Variants in TEKT5 observed in about 807,000 individuals in gnomAD.
The protein encoded by TEKT5 is tektin 5, also known as tektin-5.
In TEKT5, 52 loss-of-function variants were observed where a neutral mutation model predicts 48.7. That is an observed-to-expected ratio of 1.07 (90% CI 0.86 to 1.35). The LOEUF (loss-of-function observed/expected upper bound fraction) is 1.35. Ranked by LOEUF, TEKT5 falls within the 40% of genes most tolerant of loss-of-function variation. TEKT5 has a pLI of 0.00. For missense variants in TEKT5, 831 were observed against 641.6 expected (o/e 1.30, Z -3.19); for synonymous variants, 318 against 267.6 (o/e 1.19, Z -1.84).
intron 5 of TEKT5, among the ~76,000 whole-genome samples, chr16:10,655,265 T>TATC (rs1467253705): frequency 6.6e-6 from 1 of 152,154 alleles, no homozygotes; most frequent in African/African-American, 2.4e-5. Flanking sequence ...TACACGTTCT[T>TATC]ATCGCTCCCA....
At chr16:10,647,371 C>T (rs749359182) in intron 5 of TEKT5, among the ~76,000 whole-genome samples, 21 of 151,506 alleles carry the variant, frequency 1.4e-4, no homozygotes, top group Non-Finnish European at 2.6e-4. Flanking sequence ...ACTCAGGAGG[C>T]TGAGGCAGGA....
chr16:10,694,849 T>A lies in TEKT5; in HGVS notation c.25A>T (p.Thr9Ser). The change falls in exon 1 of 7, where the codon ACC becomes TCC. Residue 9 changes from threonine (T) to serine (S), a missense_variant. By Grantham distance (58) the Thr-to-Ser change is moderately conservative (BLOSUM62 1). Coordinates refer to ENST00000283025, the MANE Select transcript of TEKT5 (RefSeq NM_144674.2). The part of the protein sequence containing the change: MEFLGTTQ[T>S]ASYCGPKKCC... The stretch of plus-strand genomic sequence containing the variant: ...TTCTTGGGACCACAGTAACTGGCGG[T>A]CTGAGTAGTCCCAAGAAACTCCATC... 6.3e-7 allele frequency: 1 copy of A among 1,583,176 alleles called. No homozygotes were observed.
chr16:10,678,778 G>A (rs1898694255), intron 4 of TEKT5, among the ~76,000 whole-genome samples: 1 of 152,218 alleles, frequency 6.6e-6, no homozygotes, highest in African/African-American at 2.4e-5. Context: ...GTCCTCCCCT[G>A]CAGCAGGCAG....
Position 10,631,085 on chromosome 16 carries a change from C to T in TEKT5, c.1242-3286G>A, listed in dbSNP as rs72781791. Among the ~76,000 whole-genome samples, 292 of 40,158 alleles carry T rather than the reference C, an allele frequency of 7.3e-3. 2 individuals carry two copies. The highest frequency in any genetic ancestry group is 6.9e-3 in the Non-Finnish European group (119 of 17,168). 26.3% of individuals were successfully genotyped at this position (40,158 alleles called of 152,430 possible). A position where few individuals can be genotyped will look rare whatever the true frequency, so the allele number is the denominator to read the frequency against. On this transcript the variant is annotated intron_variant, in intron 6 of 6. Coordinates refer to ENST00000283025, the MANE Select transcript of TEKT5 (RefSeq NM_144674.2). Reference sequence around the variant, plus strand: ...ATCTATGTCCATATATATATATATACACACACACACACACACAAAAATTAG... The same window carrying T: ...ATCTATGTCCATATATATATATATATACACACACACACACACAAAAATTAG...
chr16:10,688,360 C>A (rs754247669), intron 3 of TEKT5, among the ~76,000 whole-genome samples: 1 of 152,252 alleles, frequency 6.6e-6, no homozygotes, highest in African/African-American at 2.4e-5. Context: ...GATCCAAGGG[C>A]TCCTAGAGGA....
At chr16:10,656,778 T>G (rs1898269562) in intron 5 of TEKT5, among the ~76,000 whole-genome samples, 1 of 152,220 alleles carries the variant, frequency 6.6e-6, no homozygotes, top group Non-Finnish European at 1.5e-5. Flanking sequence ...TCTTGCTTTG[T>G]TGCCCAGGCT....
rs757891771 is a variant in TEKT5 at position 10,627,739 on chromosome 16, C to T, written c.1302G>A (p.Arg434=). The change falls in exon 7 of 7, where the codon CGG becomes CGA. Residue 434 remains arginine, a synonymous_variant. Coordinates refer to ENST00000283025, the MANE Select transcript of TEKT5 (RefSeq NM_144674.2). ...GCAGCTGCAGCGTGTCCTGTGTCTCCCGCAGCCGCAGCTTGAGGGTCTGCA... is the reference window on the plus strand; with the variant it reads ...GCAGCTGCAGCGTGTCCTGTGTCTCTCGCAGCCGCAGCTTGAGGGTCTGCA... ...DTLQTLKLRL[R]ETQDTLQLLV... is the part of the protein sequence containing the mutation. 6.8e-6 allele frequency: 11 copies of T among 1,614,054 alleles called. No homozygotes were observed. Among genetic ancestry groups the T allele is most frequent in the Non-Finnish European group, 8.5e-6 (10 of 1,180,032 alleles).
chr16:10,678,218 C>A (rs992945702), intron 4 of TEKT5, among the ~76,000 whole-genome samples: 2 of 152,150 alleles, frequency 1.3e-5, no homozygotes, highest in South Asian at 4.1e-4. Context: ...CCTGCCTCAG[C>A]CTCCCATGTA....
At chr16:10,636,819 T>C (rs531393868) in intron 5 of TEKT5, among the ~76,000 whole-genome samples, 10 of 151,242 alleles carry the variant, frequency 6.6e-5, no homozygotes, top group Non-Finnish European at 7.4e-5. Flanking sequence ...TCCATTATTA[T>C]TATTATTATT....
In TEKT5 at chr16:10,682,114, C is replaced by A; in HGVS notation, c.742G>T (p.Val248Leu). ...TTGTCTTCGAGGTCCCTCTCCAGCA[C>A]GTGCTGAGCATCCCGGTTATCCCTG... ...QMRDNRDAQH[V>L]LERDLEDKSS... Residue 248 changes from valine (V) to leucine (L), a missense_variant, in exon 4 of 7, where the codon GTG becomes TTG. Coordinates refer to ENST00000283025, the MANE Select transcript of TEKT5 (RefSeq NM_144674.2). 6.2e-7 allele frequency: 1 copy of A among 1,614,146 alleles called. No individual in the cohort carries two copies. The highest frequency in any genetic ancestry group is 8.5e-7 in the Non-Finnish European group (1 of 1,180,000).
intron 3 of TEKT5, among the ~76,000 whole-genome samples, chr16:10,684,889 C>A (rs1417473656): frequency 1.3e-5 from 2 of 152,218 alleles, no homozygotes; most frequent in Non-Finnish European, 2.9e-5. Context: ...CCCCACCCTG[C>A]CCAGATGCGG....
At chr16:10,651,781 G>A (rs981944342) in intron 5 of TEKT5, among the ~76,000 whole-genome samples, 7 of 152,072 alleles carry the variant, frequency 4.6e-5, no homozygotes, top group Non-Finnish European at 1.0e-4. Flanking sequence ...CAAACATGGC[G>A]AAACCCCGTC....
chr16:10,673,877 C>T (rs995178760), intron 5 of TEKT5, among the ~76,000 whole-genome samples: 5 of 151,836 alleles, frequency 3.3e-5, no homozygotes, highest in African/African-American at 9.7e-5. Context: ...GTCTCGAACT[C>T]CTGACCTCAA....
chr16:10,685,582 C>A (rs988768831), intron 3 of TEKT5, among the ~76,000 whole-genome samples: 1 of 152,164 alleles, frequency 6.6e-6, no homozygotes, highest in African/African-American at 2.4e-5. Context: ...CAGACATGAG[C>A]CTCCACGCCC....
At chr16:10,665,024 C>T (rs1409464157) in intron 5 of TEKT5, among the ~76,000 whole-genome samples, 2 of 152,142 alleles carry the variant, frequency 1.3e-5, no homozygotes, top group Non-Finnish European at 2.9e-5. Flanking sequence ...GTGCTGGAGC[C>T]AGAAATGAGC....
Position 10,674,554 on chromosome 16 carries a change from G to A in TEKT5, c.1086+1405C>T, listed in dbSNP as rs567298634. 5.6e-5 allele frequency among the ~76,000 whole-genome samples: 8 copies of A among 142,842 alleles called. No homozygotes were observed. In the East Asian group the frequency reaches 1.6e-3, roughly 28 times the overall value. 93.7% of individuals were successfully genotyped at this position (142,842 alleles called of 152,430 possible). A position where few individuals can be genotyped will look rare whatever the true frequency, so the allele number is the denominator to read the frequency against. ...GGTCGCTTGAGCCCAGGAGTTCAAG[G>A]CTGCAGTGAGCCGTGATTGTGCCAC... On this transcript the variant is annotated intron_variant, in intron 5 of 6. Transcript: ENST00000283025.
intron 5 of TEKT5, among the ~76,000 whole-genome samples, chr16:10,656,574 A>G (rs1596407800): frequency 1.3e-5 from 2 of 152,272 alleles, no homozygotes; most frequent in East Asian, 3.9e-4. Flanking sequence ...TTTATTGAGA[A>G]ATTTGGAAGC....
chr16:10,676,478 T>C (rs749046505), intron 4 of TEKT5, among the ~76,000 whole-genome samples: 11 of 152,126 alleles, frequency 7.2e-5, no homozygotes, highest in Non-Finnish European at 1.3e-4. Flanking sequence ...ACCCTCATTT[T>C]ACAGGGGAAG....
rs1898921018 is a variant in TEKT5, at chr16:10,689,255, C to T, written c.717G>A (p.Met239Ile). ...RKLAQRIDIQ[M>I]RDNRDAQHVL... is the part of the protein sequence containing the mutation. ...TTAAAAAAAAAAAAAGCCCTTACCG[C>T]ATCTGGATATCAATTCTTTGAGCTA... Residue 239 changes from methionine to isoleucine, a missense_variant and splice_region_variant, in exon 3 of 7, where the codon ATG (methionine) becomes ATA (isoleucine). Coordinates refer to ENST00000283025, the MANE Select transcript of TEKT5 (RefSeq NM_144674.2). 1 of 1,606,134 alleles carries T rather than the reference C, an allele frequency of 6.2e-7. No individual in the cohort carries two copies. The highest frequency in any genetic ancestry group is 8.5e-7 in the Non-Finnish European group (1 of 1,177,668).
Sources: gnomAD v4.1 joint callset for allele counts (sites outside exome capture counted in the v4.1 genomes callset) on GRCh38, gnomAD v4.1.1 for gene constraint, MANE v1.5 for transcripts, NCBI Gene and HGNC (gene_info 2026-07-23, HGNC 2026-07-21) for gene names.